KNTC1: variants seen among roughly 807,000 people sequenced by gnomAD.
The protein encoded by KNTC1 is kinetochore associated 1.
A neutral mutation model predicts 314.4 loss-of-function variants in KNTC1; 253 were observed. The ratio of observed to expected loss-of-function variants is 0.80; its 90% CI spans 0.73 to 0.89. The LOEUF is 0.89. Among genes scored for constraint, KNTC1 ranks in the 40% least tolerant of loss-of-function variants. The pLI is 0.00. For missense variants in KNTC1, 2,475 were observed against 2,572.9 expected, an observed-to-expected ratio of 0.96 and a Z score of 0.82; for synonymous variants, 901 against 901.4, an observed-to-expected ratio of 1.00 and a Z score of 0.01.
chr12:122,545,444 A>C (rs1484538017), intron 8 of KNTC1, among the ~76,000 whole-genome samples: 3 of 152,118 alleles, frequency 2.0e-5, no homozygotes, highest in Non-Finnish European at 4.4e-5. Flanking sequence ...GAGAGAAAAG[A>C]AGCAGTCATA....
chr12:122,564,892 A>T (rs925485508), intron 20 of KNTC1, among the ~76,000 whole-genome samples: 1 of 152,138 alleles, frequency 6.6e-6, no homozygotes, highest in African/African-American at 2.4e-5. Context: ...AAGTAAGTAT[A>T]CCTCTAATTT....
chr12:122,557,976 C>A (rs1464425481), intron 18 of KNTC1, among the ~76,000 whole-genome samples: 1 of 152,180 alleles, frequency 6.6e-6, no homozygotes, highest in African/African-American at 2.4e-5. Flanking sequence ...CCAGACCGGA[C>A]GTGGTGGCTC....
At chr12:122,600,098 T>TTTGTTG (rs897509313) in intron 44 of KNTC1, among the ~76,000 whole-genome samples, 1 of 152,004 alleles carries the variant, frequency 6.6e-6, no homozygotes, top group South Asian at 2.1e-4. Flanking sequence ...TGTTTTTGTT[T>TTTGTTG]TTGTTGTTGT....
chr12:122,532,926 T>G (rs1274180544), intron 2 of KNTC1, among the ~76,000 whole-genome samples: 2 of 152,150 alleles, frequency 1.3e-5, no homozygotes, highest in East Asian at 3.9e-4. Flanking sequence ...TAAGAAACTA[T>G]GTGTGAGCCC....
intron 42 of KNTC1, among the ~76,000 whole-genome samples, chr12:122,592,144 G>T (rs1870318207): frequency 1.3e-5 from 2 of 152,220 alleles, no homozygotes; most frequent in African/African-American, 4.8e-5. Flanking sequence ...GCCGGCCCCG[G>T]GCAGTGAGGG....
intron 42 of KNTC1, 98 bp downstream of exon 42, chr12:122,591,551 T>C (rs1870210884): frequency 5.4e-6 from 4 of 746,888 alleles, no homozygotes; most frequent in Middle Eastern, 4.7e-4. Context: ...GGGAGGAGAG[T>C]GTATGTGTAC....
intron 21 of KNTC1, among the ~76,000 whole-genome samples, chr12:122,568,609 G>T (rs1221097969): frequency 6.6e-6 from 1 of 152,210 alleles, no homozygotes; most frequent in Non-Finnish European, 1.5e-5. Flanking sequence ...GGCCGAGGCG[G>T]GCTGATCACT....
chr12:122,585,386 C>T (rs1869113684), intron 36 of KNTC1, among the ~76,000 whole-genome samples: 1 of 152,096 alleles, frequency 6.6e-6, no homozygotes, highest in African/African-American at 2.4e-5. Context: ...CTGAATCCAC[C>T]TCTTATGTTT....
intron 18 of KNTC1, among the ~76,000 whole-genome samples, chr12:122,559,162 C>T (rs1963808132): frequency 6.6e-6 from 1 of 151,314 alleles, no homozygotes; most frequent in South Asian, 2.1e-4. Context: ...TTGTGACGAA[C>T]ATGGTGAAAC....
Position 122,620,626 on chromosome 12 carries a change from C to T in KNTC1, c.6279+18C>T. The T allele has an allele frequency of 6.2e-7, 1 of 1,608,766 alleles. No individual in the cohort carries two copies. Among genetic ancestry groups the T allele is most frequent in the Non-Finnish European group, 8.5e-7 (1 of 1,177,078 alleles). ...AAATTAAGGTATCGTGCACATGATTCCTCTGGGCTGCCAAGGAAATAGAAG... is the reference window on the plus strand; with the variant it reads ...AAATTAAGGTATCGTGCACATGATTTCTCTGGGCTGCCAAGGAAATAGAAG... On this transcript the variant is annotated intron_variant, in intron 60 of 63. Coordinates refer to ENST00000333479, the MANE Select transcript of KNTC1 (RefSeq NM_014708.6).
At chr12:122,615,146 T>C in intron 56 of KNTC1, 60 bp downstream of exon 56, 1 of 1,208,410 alleles carries the variant, frequency 8.3e-7, no homozygotes, top group Non-Finnish European at 1.2e-6. Context: ...CAGCATCCCC[T>C]AAACATTTTG....
chr12:122,598,901 C>CT (rs778354965), intron 44 of KNTC1, among the ~76,000 whole-genome samples: 8 of 151,808 alleles, frequency 5.3e-5, no homozygotes, highest in Non-Finnish European at 1.0e-4. Flanking sequence ...CCTTGACCTC[C>CT]TGGGCTCAAG....
chr12:122,548,549 G>A (rs1033297446), intron 12 of KNTC1, among the ~76,000 whole-genome samples: 7 of 152,088 alleles, frequency 4.6e-5, no homozygotes, highest in African/African-American at 1.4e-4. Flanking sequence ...CGTAGTTCTG[G>A]CACTGAGGAA....
At chr12:122,606,222 C>CTTTT (rs34344479) in intron 51 of KNTC1, among the ~76,000 whole-genome samples, 6 of 109,782 alleles carry the variant, frequency 5.5e-5, no homozygotes, top group Non-Finnish European at 9.6e-5. Context: ...AGATTGTTTA[C>CTTTT]TTTTTTTTTT....
intron 33 of KNTC1, among the ~76,000 whole-genome samples, chr12:122,581,480 T>G (rs1868381185): frequency 6.6e-6 from 1 of 151,796 alleles, no homozygotes; most frequent in Admixed American, 6.6e-5. Flanking sequence ...ATTACAGGTG[T>G]GAGCCACCGC....
In KNTC1 at chr12:122,542,120, TCAA is replaced by T. The variant is rs1962387585; in HGVS notation, c.520_522del (p.Gln174del). On this transcript the variant is annotated inframe_deletion, in exon 6 of 64. Coordinates refer to ENST00000333479, the MANE Select transcript of KNTC1 (RefSeq NM_014708.6). ...TTACAAACCTTCAGCTTTTAAAAAT[TCAA>T]CAAGGTAAGTAATACATTATATTTT... 3 of 1,495,898 alleles carry T rather than the reference TCAA, an allele frequency of 2.0e-6. No homozygotes were observed. Among genetic ancestry groups the T allele is most frequent in the Non-Finnish European group, 2.7e-6 (3 of 1,093,836 alleles). The allele number at this position is 1,495,898 out of a possible 1,614,324, so 92.7% of individuals were successfully genotyped here.
intron 44 of KNTC1, among the ~76,000 whole-genome samples, chr12:122,599,031 G>A (rs1451126522): frequency 1.3e-5 from 2 of 151,924 alleles, no homozygotes; most frequent in East Asian, 3.8e-4. Flanking sequence ...TTGTGCAGAT[G>A]AATCTCACTG....
At chr12:122,599,363 A>AT (rs11439986) in intron 44 of KNTC1, among the ~76,000 whole-genome samples, 1,606 of 149,284 alleles carry the variant, frequency 0.011, 27 homozygotes, top group South Asian at 0.05. Flanking sequence ...AGGGAAAAAA[A>AT]TTTTTTTTTT....
In KNTC1 at chr12:122,530,141, T is replaced by C. The variant is rs1244646220; in HGVS notation, c.78T>C (p.His26=). 1 of 1,613,608 alleles carries C rather than the reference T, an allele frequency of 6.2e-7. No individual in the cohort carries two copies. Among genetic ancestry groups the C allele is most frequent in the South Asian group, 1.1e-5 (1 of 91,062 alleles). ...GYLSVGSRKE[H]GTALYQVDLL... The stretch of plus-strand genomic sequence containing the variant: ...TGAGTGTCGGTTCAAGAAAAGAACA[T>C]GGAACTGCTTTATATCAAGTAGATT... The change falls in exon 2 of 64, where the codon CAT becomes CAC. Residue 26 remains histidine (H), a synonymous_variant. Transcript: ENST00000333479.
Sources: gnomAD v4.1 joint callset for allele counts (sites outside exome capture counted in the v4.1 genomes callset) on GRCh38, gnomAD v4.1.1 for gene constraint, MANE v1.5 for transcripts, NCBI Gene and HGNC (gene_info 2026-07-23, HGNC 2026-07-21) for gene names.